Variants in MEF2A observed in about 807,000 individuals in gnomAD.
MEF2A encodes the protein myocyte enhancer factor 2A, also known as myocyte-specific enhancer factor 2A.
In MEF2A, 28 loss-of-function variants were observed where a neutral mutation model predicts 55.8. That is an observed-to-expected ratio of 0.50 (90% confidence interval 0.37 to 0.69). The LOEUF (loss-of-function observed/expected upper bound fraction) is 0.69. MEF2A is among the 30% of genes least tolerant of loss of function. MEF2A has a pLI of 0.00. For synonymous variants in MEF2A, 239 were observed against 227.1 expected (o/e 1.05, Z -0.47); for missense variants, 528 against 626.2 (o/e 0.84, Z 1.67).
chr15:99,692,899 G>A (rs191667689), intron 8 of MEF2A, among the ~76,000 whole-genome samples: 2 of 152,322 alleles, frequency 1.3e-5, no homozygotes, highest in East Asian at 1.9e-4. Flanking sequence ...CTCAACCAGT[G>A]GTGAAGGAAC....
At chr15:99,689,115 T>C (rs775037197) in intron 7 of MEF2A, among the ~76,000 whole-genome samples, 1 of 152,232 alleles carries the variant, frequency 6.6e-6, no homozygotes, top group Non-Finnish European at 1.5e-5. Context: ...TATCACAATG[T>C]GCATTTTTCC....
rs768364064 is a variant in MEF2A at position 99,674,410 on chromosome 15, G to C, written c.408G>C (p.Gln136His). The change falls in exon 6 of 12, where the codon CAG becomes CAC. Residue 136 changes from glutamine to histidine, a missense_variant. Physicochemically the swap from Gln to His is conservative, Grantham distance 24. Around this residue, in one of 2 missense-constraint regions of MEF2A, gnomAD observed 450 missense variants for 475.3 expected, o/e 0.95. Transcript: ENST00000557942. ...FKRGPPGLPP[Q>H]NFSMSVTVPV... Reference sequence around the variant, plus strand: ...ATTTACAGCCTGGTCTGCCACCTCAGAACTTTTCAATGTCTGTCACAGTTC... The same window carrying C: ...ATTTACAGCCTGGTCTGCCACCTCACAACTTTTCAATGTCTGTCACAGTTC... 72 of 1,609,718 alleles carry C rather than the reference G, an allele frequency of 4.5e-5. 1 individual carries two copies. The South Asian group carries it at 7.5e-4, about 17-fold the overall frequency.
intron 8 of MEF2A, among the ~76,000 whole-genome samples, chr15:99,694,282 A>G (rs895804284): frequency 6.6e-6 from 1 of 152,224 alleles, no homozygotes; most frequent in African/African-American, 2.4e-5. Context: ...TGACTGAGGT[A>G]GGCCATAGAA....
At position 99,712,591 on chromosome 15, in the gene MEF2A, G is replaced by A. The variant is rs1216230919; in HGVS notation, c.1338G>A (p.Gln446=). 6 of 1,550,484 alleles carry A rather than the reference G, an allele frequency of 3.9e-6. No individual in the cohort carries two copies. The highest frequency in any genetic ancestry group is 2.0e-5 in the Admixed American group (1 of 50,914). ...QPQPPQPQPR[Q]EMGRSPVDSL... ...AACCCCCGCAGCCCCAGCCCCGACA[G>A]GAAATGGGGCGCTCCCCTGTGGACA... Residue 446 remains glutamine (Q), a synonymous_variant, in exon 12 of 12, where the codon CAG becomes CAA. Coordinates refer to ENST00000557942, the MANE Select transcript of MEF2A (RefSeq NM_001319206.4). The surrounding 1 kb of genome is among the most constrained non-coding windows in gnomAD (Gnocchi z 4.1).
chr15:99,645,041 A>T (rs528897625), intron 3 of MEF2A, among the ~76,000 whole-genome samples: 32 of 152,316 alleles, frequency 2.1e-4, no homozygotes, highest in Non-Finnish European at 4.4e-4. Flanking sequence ...AACAGGTTTC[A>T]GTTAAAGAAA....
At chr15:99,662,821 T>C (rs757987238) in intron 4 of MEF2A, among the ~76,000 whole-genome samples, 3 of 152,334 alleles carry the variant, frequency 2.0e-5, no homozygotes, top group African/African-American at 4.8e-5. Context: ...CTTATACTTA[T>C]GCTAGATTTA....
intron 1 of MEF2A, among the ~76,000 whole-genome samples, chr15:99,576,986 A>G (rs1010202007): frequency 1.3e-5 from 2 of 152,174 alleles, no homozygotes; most frequent in African/African-American, 4.8e-5. Context: ...TAAAAGCCTA[A>G]TTCCTGAAAT....
At chr15:99,682,244 A>T (rs760441431) in intron 7 of MEF2A, among the ~76,000 whole-genome samples, 1 of 152,238 alleles carries the variant, frequency 6.6e-6, no homozygotes, top group Admixed American at 6.5e-5. Context: ...TGACTGACCT[A>T]TCTTACAGCT....
At chr15:99,682,119 C>T (rs1461141894) in intron 7 of MEF2A, among the ~76,000 whole-genome samples, 1 of 152,180 alleles carries the variant, frequency 6.6e-6, no homozygotes, top group African/African-American at 2.4e-5. Flanking sequence ...TCATTGTCTG[C>T]AGTTTAACCC....
chr15:99,596,477 A>G (rs1329556416), intron 1 of MEF2A, among the ~76,000 whole-genome samples: 1 of 152,204 alleles, frequency 6.6e-6, no homozygotes, highest in African/African-American at 2.4e-5. Flanking sequence ...TATAAAAAGA[A>G]TACTTGGCAG....
At chr15:99,672,634 C>T (rs993073425) in intron 5 of MEF2A, among the ~76,000 whole-genome samples, 2 of 152,266 alleles carry the variant, frequency 1.3e-5, no homozygotes, top group Non-Finnish European at 2.9e-5. Flanking sequence ...TCCTGTATTA[C>T]AGGTTGGGTA....
chr15:99,586,756 T>G (rs975034791), intron 1 of MEF2A, among the ~76,000 whole-genome samples: 2 of 152,188 alleles, frequency 1.3e-5, no homozygotes, highest in African/African-American at 4.8e-5. Context: ...GGGATTTTTG[T>G]CTCAAACTAT....
chr15:99,655,441 C>G (rs1271228437), intron 4 of MEF2A, among the ~76,000 whole-genome samples: 1 of 152,010 alleles, frequency 6.6e-6, no homozygotes, highest in African/African-American at 2.4e-5. Flanking sequence ...GATAGATGGT[C>G]TTGAATACCC....
At chr15:99,660,673 T>C (rs1203731057) in intron 4 of MEF2A, among the ~76,000 whole-genome samples, 2 of 152,224 alleles carry the variant, frequency 1.3e-5, no homozygotes, top group Admixed American at 1.3e-4. Context: ...CTGAGATTTA[T>C]GGATTTATTA....
chr15:99,614,000 A>G (rs532463719), intron 2 of MEF2A, among the ~76,000 whole-genome samples: 6 of 152,262 alleles, frequency 3.9e-5, no homozygotes, highest in African/African-American at 9.6e-5. Context: ...GGTGGTGATA[A>G]TGTACTGTTA....
intron 7 of MEF2A, among the ~76,000 whole-genome samples, chr15:99,683,885 A>G (rs2153689442): frequency 6.6e-6 from 1 of 152,038 alleles, no homozygotes; most frequent in Non-Finnish European, 1.5e-5. Flanking sequence ...TGAGTCCCCA[A>G]AGTCCATTGT....
intron 7 of MEF2A, among the ~76,000 whole-genome samples, chr15:99,679,509 A>C (rs1482557782): frequency 6.6e-6 from 1 of 152,242 alleles, no homozygotes; most frequent in East Asian, 1.9e-4. Flanking sequence ...GGCCAAAAAA[A>C]CTATAGTGTT....
chr15:99,597,501 G>C (rs538443186), intron 1 of MEF2A, among the ~76,000 whole-genome samples: 1,007 of 94,996 alleles, frequency 0.011, 5 homozygotes, highest in South Asian at 0.03. Context: ...ATTTCACCTC[G>C]GTCCTGTGGT....
chr15:99,657,999 TA>T (rs1277819749), intron 4 of MEF2A, among the ~76,000 whole-genome samples: 1 of 152,162 alleles, frequency 6.6e-6, no homozygotes, highest in African/African-American at 2.4e-5. Flanking sequence ...TTATTCTGTG[TA>T]TCAGAAATCT....
Sources: gnomAD v4.1 joint callset for allele counts (sites outside exome capture counted in the v4.1 genomes callset) on GRCh38, gnomAD v4.1.1 for gene constraint, gnomAD v4.1.1 regional missense constraint, Gnocchi (gnomAD v3.1) non-coding constraint, MANE v1.5 for transcripts, NCBI Gene and HGNC (gene_info 2026-07-23, HGNC 2026-07-21) for gene names.